The following BRAF variants were observed in gnomAD, a reference collection of about 807,000 sequenced individuals.
The protein encoded by BRAF is serine/threonine-protein kinase B-raf.
In BRAF, 16 loss-of-function variants were observed where a neutral mutation model predicts 104.6. The ratio of observed to expected loss-of-function variants is 0.15; its 90% CI spans 0.10 to 0.23. BRAF has a LOEUF of 0.23. Among genes scored for constraint, BRAF ranks in the 10% least tolerant of loss-of-function variants. The pLI, the probability that BRAF is intolerant of heterozygous loss-of-function variation, is 1.00. For synonymous variants in BRAF, 310 were observed against 341.6 expected (o/e 0.91, Z 1.02); for missense variants, 541 against 937.3 (o/e 0.58, Z 5.52).
chr7:140,832,819 T>A (rs1204827904), intron 3 of BRAF, among the ~76,000 whole-genome samples: 1 of 152,088 alleles, frequency 6.6e-6, no homozygotes, highest in African/African-American at 2.4e-5. Flanking sequence ...TAAGCTTTAG[T>A]GATACCTGTA....
chr7:140,823,632 T>C (rs925974597), intron 3 of BRAF: 1 of 152,250 alleles, frequency 6.6e-6, no homozygotes, highest in Non-Finnish European at 1.5e-5. Context: ...AGTGTACAAA[T>C]ATCTCTTTGA....
rs764601253 is a variant in BRAF, at chr7:140,924,534, C to A, written c.138+32G>T. ...ACCAGCCAGCCGCCGAGCCCGGAGT[C>A]GGGAGGGCGGCAGGGTGGCGCCAGC... On this transcript the variant is annotated intron_variant, in intron 1 of 19. Coordinates refer to ENST00000644969, the MANE Select transcript of BRAF (RefSeq NM_001374258.1). This position sits in a 1 kb window ranked among gnomAD's most constrained non-coding sequence, Gnocchi z 4.2. The A allele has an allele frequency of 1.1e-4, 165 of 1,531,134 alleles. No homozygotes were observed. The highest frequency in any genetic ancestry group is 9.4e-4 in the South Asian group (79 of 83,960). 94.8% of individuals were successfully genotyped at this position (1,531,134 alleles called of 1,614,324 possible). A position where few individuals can be genotyped will look rare whatever the true frequency, so the allele number is the denominator to read the frequency against.
intron 1 of BRAF, among the ~76,000 whole-genome samples, chr7:140,884,442 T>C (rs1813314655): frequency 6.9e-6 from 1 of 144,198 alleles, no homozygotes; most frequent in Admixed American, 7.1e-5. Context: ...TGTGTGTGTG[T>C]GTGTGTGTGT....
chr7:140,731,054 T>C (rs1795920456), intron 19 of BRAF: 1 of 151,938 alleles, frequency 6.6e-6, no homozygotes, highest in African/African-American at 2.4e-5. Flanking sequence ...TTTTGCTTTG[T>C]TGCCCAGGCT....
At chr7:140,841,553 C>G (rs1055312192) in intron 2 of BRAF, among the ~76,000 whole-genome samples, 1 of 152,000 alleles carries the variant, frequency 6.6e-6, no homozygotes, top group African/African-American at 2.4e-5. Flanking sequence ...AAATATTCAG[C>G]CATAACAAGA....
chr7:140,802,022 T>C (rs1442234923), intron 5 of BRAF, among the ~76,000 whole-genome samples: 3 of 151,956 alleles, frequency 2.0e-5, no homozygotes, highest in Non-Finnish European at 4.4e-5. Flanking sequence ...ATAAAAATAT[T>C]GGGGGAGAGG....
At chr7:140,749,534 A>T (rs531794961) in intron 16 of BRAF, 116 bp from the exon 16 acceptor site, 168 of 1,101,214 alleles carry the variant, frequency 1.5e-4, no homozygotes, top group Middle Eastern at 8.4e-4. Context: ...TCTAATATGT[A>T]ATCAATTCTC....
rs552098508 is a variant in BRAF at position 140,793,493 on chromosome 7, T to C, written c.1140+815A>G. ...GCAAATTTACCTAAAATTACAAAAT[T>C]AAAATTTATAAGTTTTTCTTTTATA... On this transcript the variant is annotated intron_variant, in intron 8 of 19. Transcript: ENST00000644969. 1.1e-4 allele frequency among the ~76,000 whole-genome samples: 16 copies of C among 152,050 alleles called. No individual in the cohort carries two copies. The South Asian group carries it at 1.5e-3, about 14-fold the overall frequency.
At chr7:140,909,763 T>A (rs1816755550) in intron 1 of BRAF, among the ~76,000 whole-genome samples, 1 of 152,014 alleles carries the variant, frequency 6.6e-6, no homozygotes, top group Admixed American at 6.6e-5. Flanking sequence ...GCCTAGATGG[T>A]GCCACTGCAT....
chr7:140,772,223 T>C (rs1341500933), intron 14 of BRAF, among the ~76,000 whole-genome samples: 1 of 152,022 alleles, frequency 6.6e-6, no homozygotes, highest in Admixed American at 6.6e-5. Flanking sequence ...CCTAGGACCA[T>C]CCTGTTTGTT....
intron 3 of BRAF, among the ~76,000 whole-genome samples, chr7:140,816,225 C>A (rs1359184671): frequency 1.3e-5 from 2 of 152,170 alleles, no homozygotes; most frequent in Non-Finnish European, 2.9e-5. Flanking sequence ...AGTGTTTTTA[C>A]AAACTGTACC....
chr7:140,835,454 G>A (rs1403424075), intron 2 of BRAF: 2 of 154,056 alleles, frequency 1.3e-5, no homozygotes, highest in African/African-American at 4.8e-5. Context: ...CATTCTTTCT[G>A]GAATAGTTAT....
At chr7:140,923,806 T>C (rs1209926931) in intron 1 of BRAF, among the ~76,000 whole-genome samples, 1 of 152,008 alleles carries the variant, frequency 6.6e-6, no homozygotes, top group Non-Finnish European at 1.5e-5. Flanking sequence ...AGTGCAAAAA[T>C]GCTCTTAAGT....
chr7:140,829,271 T>G (rs1272083180), intron 3 of BRAF, among the ~76,000 whole-genome samples: 1 of 151,806 alleles, frequency 6.6e-6, no homozygotes, highest in African/African-American at 2.4e-5. Context: ...GCTAATTAAG[T>G]TTTGATTAAG....
intron 12 of BRAF, chr7:140,781,247 A>C (rs1468360846): frequency 3.1e-6 from 1 of 323,832 alleles, no homozygotes; most frequent in Non-Finnish European, 5.9e-6. Context: ...TACATTTTTA[A>C]TATGTTTACT....
chr7:140,721,499 T>A lies in BRAF; in HGVS notation c.*4995A>T. ...TTGAAAACAACAAAACAGAGCTTACTGTCTAGTGTACTAATAAAACAAACA... is the reference window on the plus strand; with the variant it reads ...TTGAAAACAACAAAACAGAGCTTACAGTCTAGTGTACTAATAAAACAAACA... On this transcript the variant is annotated 3_prime_UTR_variant, in exon 20 of 20. Transcript: ENST00000644969. 18 of 1,306,176 alleles carry A rather than the reference T, an allele frequency of 1.4e-5. No individual in the cohort carries two copies. Among genetic ancestry groups the A allele is most frequent in the Non-Finnish European group, 1.8e-5 (18 of 1,027,636 alleles). The allele number at this position is 1,306,176 out of a possible 1,614,324, so 80.9% of individuals were successfully genotyped here. A position where few individuals can be genotyped will look rare whatever the true frequency, so the allele number is the denominator to read the frequency against.
At chr7:140,821,755 T>C (rs1315251176) in intron 3 of BRAF, among the ~76,000 whole-genome samples, 1 of 151,882 alleles carries the variant, frequency 6.6e-6, no homozygotes, top group Non-Finnish European at 1.5e-5. Context: ...CAAAAGAAAA[T>C]GAATCATTCT....
intron 1 of BRAF, among the ~76,000 whole-genome samples, chr7:140,913,266 C>T (rs908719436): frequency 2.0e-5 from 3 of 152,042 alleles, no homozygotes; most frequent in African/African-American, 4.8e-5. Flanking sequence ...ACACACACCC[C>T]TCCACTGGAC....
chr7:140,923,013 A>G (rs1323189456), intron 1 of BRAF, among the ~76,000 whole-genome samples: 1 of 152,202 alleles, frequency 6.6e-6, no homozygotes, highest in Admixed American at 6.5e-5. Context: ...TGCATACTGA[A>G]AAGTGGAATG....
Sources: allele counts gnomAD v4.1 joint callset (sites outside exome capture counted in the v4.1 genomes callset), GRCh38; gene constraint gnomAD v4.1.1; non-coding constraint Gnocchi (gnomAD v3.1); transcripts MANE v1.5; gene names NCBI Gene and HGNC (gene_info 2026-07-23, HGNC 2026-07-21).